TMEM117: variants seen among roughly 807,000 people sequenced by gnomAD.
The protein encoded by TMEM117 is transmembrane protein 117.
Under a neutral mutation model 52.4 loss-of-function variants are expected in TMEM117, and 27 were observed. The observed-to-expected ratio is 0.51, with a 90% CI of 0.38 to 0.71. The LOEUF is 0.71. Among genes scored for constraint, TMEM117 ranks in the 30% least tolerant of loss-of-function variants. The probability of loss-of-function intolerance (pLI) is 0.00; values close to 1 mark genes in which losing one functional copy is unlikely to be tolerated. For synonymous variants in TMEM117, 215 were observed against 206.3 expected (o/e 1.04, Z -0.36); for missense variants, 556 against 630.5 (o/e 0.88, Z 1.26).
At chr12:44,060,433 C>A (rs1286421659) in intron 3 of TMEM117, among the ~76,000 whole-genome samples, 1 of 152,042 alleles carries the variant, frequency 6.6e-6, no homozygotes, top group East Asian at 1.9e-4. Context: ...AGAGGGCCCT[C>A]AAGAACAGAG....
At chr12:44,318,706 G>A (rs934872618) in intron 6 of TMEM117, among the ~76,000 whole-genome samples, 1 of 152,050 alleles carries the variant, frequency 6.6e-6, no homozygotes, top group African/African-American at 2.4e-5. Context: ...CTATGCACAG[G>A]AAGGGTGGGG....
chr12:43,894,208 A>G (rs1944158580), intron 2 of TMEM117, among the ~76,000 whole-genome samples: 1 of 152,168 alleles, frequency 6.6e-6, no homozygotes, highest in South Asian at 2.1e-4. Flanking sequence ...CACCTTGGGG[A>G]CAGCTACCAA....
chr12:44,374,079 G>A (rs1017541401), intron 6 of TMEM117, among the ~76,000 whole-genome samples: 3 of 151,954 alleles, frequency 2.0e-5, no homozygotes, highest in African/African-American at 7.3e-5. Context: ...AACACGCCTG[G>A]CCAGGATGTC....
At chr12:44,027,180 T>TTTTATTTTAGTTTAG (rs1946553678) in intron 3 of TMEM117, among the ~76,000 whole-genome samples, 1 of 138,942 alleles carries the variant, frequency 7.2e-6, no homozygotes, top group Non-Finnish European at 1.5e-5. Context: ...TTTTATTTTA[T>TTTTATTTTAGTTTAG]TTTATTTTAT....
intron 3 of TMEM117, among the ~76,000 whole-genome samples, chr12:44,108,339 A>C (rs1223073634): frequency 8.5e-6 from 1 of 117,360 alleles, no homozygotes; most frequent in East Asian, 2.7e-4. Context: ...ATATCTCCCA[A>C]TGCTATCCCT....
intron 3 of TMEM117, among the ~76,000 whole-genome samples, chr12:44,063,463 G>C (rs919893944): frequency 2.0e-5 from 3 of 151,620 alleles, no homozygotes; most frequent in East Asian, 3.9e-4. Context: ...TCCTAGGTTT[G>C]TTTCTTTTTT....
chr12:44,040,304 C>T (rs1946776713), intron 3 of TMEM117, among the ~76,000 whole-genome samples: 1 of 152,018 alleles, frequency 6.6e-6, no homozygotes, highest in Non-Finnish European at 1.5e-5. Flanking sequence ...TATTTAACAA[C>T]TGGCTCACAA....
At chr12:44,060,319 G>A (rs145467736) in intron 3 of TMEM117, among the ~76,000 whole-genome samples, 180 of 152,214 alleles carry the variant, frequency 1.2e-3, no homozygotes, top group African/African-American at 4.1e-3. Context: ...GGAAAGTTTG[G>A]GGCAACTGTA....
At chr12:44,354,110 A>G (rs1019875797) in intron 6 of TMEM117, among the ~76,000 whole-genome samples, 5 of 152,134 alleles carry the variant, frequency 3.3e-5, no homozygotes, top group Non-Finnish European at 5.9e-5. Context: ...TTATTGATGT[A>G]TAAGAATGCT....
intron 5 of TMEM117, among the ~76,000 whole-genome samples, chr12:44,273,884 G>T (rs1444754077): frequency 6.6e-6 from 1 of 152,060 alleles, no homozygotes; most frequent in Non-Finnish European, 1.5e-5. Context: ...GGAAAAAACT[G>T]AAAGCCTCTC....
At chr12:44,064,365 G>A (rs974631490) in intron 3 of TMEM117, among the ~76,000 whole-genome samples, 3 of 152,122 alleles carry the variant, frequency 2.0e-5, no homozygotes, top group African/African-American at 7.2e-5. Context: ...ATTGGAAAAG[G>A]GTTTGGAAGC....
chr12:44,259,223 G>A lies in TMEM117; in HGVS notation c.609-40357G>A, dbSNP rs1950294300. ...TTATACTAAATGTTCCAGCTATATA[G>A]CAACCTACAATATGAGTCCCTACAA... On this transcript the variant is annotated intron_variant, in intron 5 of 7. Transcript: ENST00000266534. 2.6e-5 allele frequency among the ~76,000 whole-genome samples: 4 copies of A among 152,014 alleles called. No individual in the cohort carries two copies. In the South Asian group the frequency reaches 8.3e-4, roughly 32 times the overall value.
chr12:44,084,074 G>A (rs774196790), intron 3 of TMEM117, among the ~76,000 whole-genome samples: 6 of 152,064 alleles, frequency 3.9e-5, no homozygotes, highest in Admixed American at 1.3e-4. Context: ...TGTCTAACTG[G>A]TTAAATATTG....
intron 3 of TMEM117, among the ~76,000 whole-genome samples, chr12:44,063,530 C>T (rs949687603): frequency 2.6e-5 from 4 of 151,746 alleles, no homozygotes; most frequent in Non-Finnish European, 5.9e-5. Context: ...AGGTTTGTTA[C>T]ATATGTATAC....
intron 2 of TMEM117, among the ~76,000 whole-genome samples, chr12:43,856,579 A>C (rs1408575046): frequency 6.6e-6 from 1 of 152,182 alleles, no homozygotes; most frequent in Non-Finnish European, 1.5e-5. Context: ...ATTAGTTTGC[A>C]TTGTCTAGAA....
At chr12:44,318,178 G>A (rs985898705) in intron 6 of TMEM117, 1 of 152,366 alleles carries the variant, frequency 6.6e-6, no homozygotes, top group African/African-American at 2.4e-5. Context: ...CCCAGGCAAG[G>A]GGGTACTTCA....
At chr12:44,023,310 C>T (rs143135038) in intron 3 of TMEM117, among the ~76,000 whole-genome samples, 4 of 152,260 alleles carry the variant, frequency 2.6e-5, no homozygotes, top group Admixed American at 6.5e-5. Flanking sequence ...TTTATTGCAG[C>T]GTGATTTATA....
chr12:44,070,171 G>A (rs776480985), intron 3 of TMEM117, among the ~76,000 whole-genome samples: 23 of 152,172 alleles, frequency 1.5e-4, no homozygotes, highest in Non-Finnish European at 2.5e-4. Flanking sequence ...GATTACAGGC[G>A]TGAGCCACCG....
intron 6 of TMEM117, among the ~76,000 whole-genome samples, chr12:44,362,340 C>T (rs1449322488): frequency 6.6e-6 from 1 of 152,086 alleles, no homozygotes. Context: ...TCTAACGTAG[C>T]TTCTCCCAAT....
Sources: gnomAD v4.1 joint callset for allele counts (sites outside exome capture counted in the v4.1 genomes callset) on GRCh38, gnomAD v4.1.1 for gene constraint, MANE v1.5 for transcripts, NCBI Gene and HGNC (gene_info 2026-07-23, HGNC 2026-07-21) for gene names.